Variants in SUPT6H observed in about 807,000 individuals in gnomAD.
SUPT6H encodes the protein SPT6 homolog, histone chaperone and transcription elongation factor.
SUPT6H carries 11 observed loss-of-function variants against 222.3 expected under a neutral mutation model. That is an observed-to-expected ratio of 0.05 (90% CI 0.03 to 0.08). The LOEUF is 0.08. Ranked by LOEUF, SUPT6H falls within the 10% of genes least tolerant of loss-of-function variation. The pLI is 1.00. For synonymous variants in SUPT6H, 762 were observed against 801.2 expected (o/e 0.95, Z 0.83); for missense variants, 1,422 against 2,216.0 (o/e 0.64, Z 7.19).
intron 1 of SUPT6H, among the ~76,000 whole-genome samples, chr17:28,667,471 G>A (rs1034023871): frequency 7.6e-6 from 1 of 131,202 alleles, no homozygotes; most frequent in Non-Finnish European, 1.6e-5. Flanking sequence ...ATGTATATGT[G>A]TATATATGTG....
Position 28,688,369 on chromosome 17 carries a change from C to T in SUPT6H, c.3134+151C>T, listed in dbSNP as rs2031495123. On this transcript the variant is annotated intron_variant, in intron 24 of 36. Coordinates refer to ENST00000314616, the MANE Select transcript of SUPT6H (RefSeq NM_003170.5). This position sits in a 1 kb window ranked among gnomAD's most constrained non-coding sequence, Gnocchi z 4.3. ...TAAGGAACTTTATTCAGTCAAGAGCCCCTGACCTATGGAAAAGATCGGTTC... is the reference window on the plus strand; with the variant it reads ...TAAGGAACTTTATTCAGTCAAGAGCTCCTGACCTATGGAAAAGATCGGTTC... The T allele has an allele frequency of 3.2e-6, 3 of 931,216 alleles. No individual in the cohort carries two copies. The South Asian group carries it at 8.2e-5, about 25-fold the overall frequency. 57.7% of individuals were successfully genotyped at this position (931,216 alleles called of 1,614,324 possible).
intron 27 of SUPT6H, chr17:28,691,266 C>T: frequency 1.5e-6 from 1 of 654,238 alleles, no homozygotes; most frequent in Non-Finnish European, 2.5e-6. Flanking sequence ...GTGGCTCACG[C>T]CTATAATCCT....
chr17:28,687,904 T>C (rs184711762), intron 23 of SUPT6H, among the ~76,000 whole-genome samples, 187 bp from the exon 24 acceptor site: 2 of 152,334 alleles, frequency 1.3e-5, no homozygotes, highest in Admixed American at 6.5e-5. Context: ...TTGTTTATTA[T>C]TTTCCCATTT....
In SUPT6H at chr17:28,678,800, TC is replaced by T. The variant is rs570934151; in HGVS notation, c.1207-19del. 1,214 of 1,614,076 alleles carry T rather than the reference TC, an allele frequency of 7.5e-4. 16 individuals are homozygous for T. In the South Asian group the frequency reaches 0.013, roughly 17 times the overall value. ...TCCAGGGCTGAACACAAGCTCTCAT[TC>T]CTGCCCTACTTCACCTTAGTGGACC... On this transcript the variant is annotated intron_variant, in intron 10 of 36. Coordinates refer to ENST00000314616, the MANE Select transcript of SUPT6H (RefSeq NM_003170.5).
In SUPT6H at chr17:28,688,500, C is replaced by A; in HGVS notation, c.3134+282C>A. ...ATTTTGTTCAGTAAACACAAACTTGCTTTTTTATTATTATGGTTTGTTGTG... is the reference window on the plus strand; with the variant it reads ...ATTTTGTTCAGTAAACACAAACTTGATTTTTTATTATTATGGTTTGTTGTG... On this transcript the variant is annotated intron_variant, in intron 24 of 36. Coordinates refer to ENST00000314616, the MANE Select transcript of SUPT6H (RefSeq NM_003170.5). The surrounding 1 kb of genome is among the most constrained non-coding windows in gnomAD (Gnocchi z 4.3). 1 of 233,644 alleles carries A rather than the reference C, an allele frequency of 4.3e-6. No individual in the cohort carries two copies. Among genetic ancestry groups the A allele is most frequent in the Non-Finnish European group, 8.2e-6 (1 of 122,620 alleles). 14.5% of individuals were successfully genotyped at this position (233,644 alleles called of 1,614,324 possible). A position where few individuals can be genotyped will look rare whatever the true frequency, so the allele number is the denominator to read the frequency against.
chr17:28,691,130 G>T, intron 27 of SUPT6H, 67 bp downstream of exon 27: 1 of 1,550,440 alleles, frequency 6.4e-7, no homozygotes, highest in Non-Finnish European at 8.8e-7. Context: ...GCCTAGAAGG[G>T]AATCAGAAAT....
At chr17:28,682,098 C>A in intron 13 of SUPT6H, 118 bp downstream of exon 13, 2 of 720,710 alleles carry the variant, frequency 2.8e-6, no homozygotes, top group Admixed American at 2.8e-5. Flanking sequence ...CAATCCAATC[C>A]TGAACTAGCC....
intron 11 of SUPT6H, 145 bp downstream of exon 11, chr17:28,679,108 A>C: frequency 5.8e-5 from 62 of 1,078,156 alleles, no homozygotes; most frequent in Non-Finnish European, 6.6e-5. Context: ...ACAGTGGCTC[A>C]TGCCTGTAAT....
rs2031571360 is a variant in SUPT6H at position 28,690,100 on chromosome 17, A to G, written c.3361A>G (p.Ile1121Val). The G allele has an allele frequency of 3.7e-6, 6 of 1,612,740 alleles. No individual in the cohort carries two copies. Among genetic ancestry groups the G allele is most frequent in the Non-Finnish European group, 5.1e-6 (6 of 1,179,810 alleles). Residue 1121 changes from isoleucine (I) to valine (V), a missense_variant, in exon 26 of 37, where the codon ATC becomes GTC. Ile to Val is a conservative substitution (Grantham distance 29, BLOSUM62 3). Around this residue, in one of 13 missense-constraint regions of SUPT6H, gnomAD observed 60 missense variants for 96.7 expected, o/e 0.62. Coordinates refer to ENST00000314616, the MANE Select transcript of SUPT6H (RefSeq NM_003170.5). Reference protein sequence around the residue: ...LERQGYGDKHITLYDIRAELS... With the variant: ...LERQGYGDKHVTLYDIRAELS... ...TCCCCAGGGCTATGGTGACAAACAC[A>G]TCACACTCTATGACATCCGGGCAGA...
At chr17:28,666,439 G>A (rs1290503894) in intron 1 of SUPT6H, among the ~76,000 whole-genome samples, 1 of 151,844 alleles carries the variant, frequency 6.6e-6, no homozygotes, top group African/African-American at 2.4e-5. Context: ...TTCAGTAACT[G>A]TTAATCTCTC....
Position 28,699,769 on chromosome 17 carries a change from C to T in SUPT6H, c.4449-12C>T, listed in dbSNP as rs764979601. 14 of 1,612,862 alleles carry T rather than the reference C, an allele frequency of 8.7e-6. No individual in the cohort carries two copies. The Admixed American group carries it at 2.3e-4, about 27-fold the overall frequency. ...AGTGGTTTCTGATGCATGTTTCCTT[C>T]TAAAATCCTAGGATAGAATATGTAA... On this transcript the variant is annotated splice_polypyrimidine_tract_variant and intron_variant, in intron 32 of 36. Coordinates refer to ENST00000314616, the MANE Select transcript of SUPT6H (RefSeq NM_003170.5).
At position 28,688,105 on chromosome 17, in the gene SUPT6H, C is replaced by T. The variant is rs1216502243; in HGVS notation, c.3021C>T (p.Asn1007=). The T allele has an allele frequency of 7.4e-6, 12 of 1,612,608 alleles. No individual in the cohort carries two copies. Among genetic ancestry groups the T allele is most frequent in the Non-Finnish European group, 9.3e-6 (11 of 1,179,212 alleles). ...GTHLLKILKQ[N]NTRLESRTQL... ...CTCTCCCCCAGATCCTGAAGCAGAA[C>T]AACACCCGGCTCGAGAGCCGGACCC... is the stretch of plus-strand genomic sequence containing the variant. Residue 1007 remains asparagine, a synonymous_variant, in exon 24 of 37, where the codon AAC becomes AAT. Coordinates refer to ENST00000314616, the MANE Select transcript of SUPT6H (RefSeq NM_003170.5). The surrounding 1 kb of genome is among the most constrained non-coding windows in gnomAD (Gnocchi z 4.3).
chr17:28,674,372 G>C lies in SUPT6H; in HGVS notation c.199G>C (p.Gly67Arg). The C allele has an allele frequency of 6.2e-7, 1 of 1,614,162 alleles. No homozygotes were observed. Among genetic ancestry groups the C allele is most frequent in the Non-Finnish European group, 8.5e-7 (1 of 1,179,998 alleles). ...CAATGACGATGATGATGAAGATGAAGGGGAGGAGGATGAGGGCAGTGACTC... is the reference window on the plus strand; with the variant it reads ...CAATGACGATGATGATGAAGATGAACGGGAGGAGGATGAGGGCAGTGACTC... ...FINDDDDEDE[G>R]EEDEGSDSGD... Residue 67 changes from glycine (G) to arginine (R), a missense_variant, in exon 3 of 37, where the codon GGG (glycine) becomes CGG (arginine). Gly to Arg is a moderately radical substitution (Grantham distance 125, BLOSUM62 -2). Transcript: ENST00000314616.
At position 28,678,125 on chromosome 17, in the gene SUPT6H, G is replaced by A. The variant is rs372795501; in HGVS notation, c.1049G>A (p.Arg350Gln). 6.8e-6 allele frequency: 11 copies of A among 1,612,142 alleles called. No individual in the cohort carries two copies. Among genetic ancestry groups the A allele is most frequent in the East Asian group, 4.5e-5 (2 of 44,884 alleles). ...GGGCAGCCAGCCAGCAGCTTCAGTC[G>A]GAAAGGGCCCAGCACAATTCAGAAG... ...DRGQPASSFS[R>Q]KGPSTIQKIK... Residue 350 changes from arginine to glutamine, a missense_variant, in exon 9 of 37, where the codon CGG (arginine) becomes CAG (glutamine). By Grantham distance (43) the Arg-to-Gln change is conservative (BLOSUM62 1). Around this residue, in one of 13 missense-constraint regions of SUPT6H, gnomAD observed 389 missense variants for 544.6 expected, o/e 0.71. Coordinates refer to ENST00000314616, the MANE Select transcript of SUPT6H (RefSeq NM_003170.5).
intron 11 of SUPT6H, among the ~76,000 whole-genome samples, chr17:28,680,970 G>A (rs140561921): frequency 9.2e-5 from 14 of 152,298 alleles, no homozygotes; most frequent in East Asian, 5.8e-4. Context: ...AAGAAAAAAA[G>A]AAATGGTCTT....
chr17:28,691,177 C>T (rs1429607568), intron 27 of SUPT6H, 114 bp downstream of exon 27: 1 of 1,366,892 alleles, frequency 7.3e-7, no homozygotes, highest in African/African-American at 1.4e-5. Context: ...CAAACAAGTA[C>T]ACAAAGAAGG....
chr17:28,664,015 C>G (rs560109695), intron 1 of SUPT6H, among the ~76,000 whole-genome samples: 1 of 151,622 alleles, frequency 6.6e-6, no homozygotes. Context: ...TTATCAAGGT[C>G]ACCAGTGACT....
chr17:28,686,402 G>A lies in SUPT6H; in HGVS notation c.2551G>A (p.Ala851Thr), dbSNP rs1431185674. The A allele has an allele frequency of 4.3e-6, 7 of 1,614,060 alleles. No homozygotes were observed. In the South Asian group the frequency reaches 6.6e-5, roughly 15 times the overall value. The change falls in exon 20 of 37, where the codon GCA becomes ACA. Residue 851 changes from alanine (A) to threonine (T), a missense_variant. By Grantham distance (58) the Ala-to-Thr change is moderately conservative. Coordinates refer to ENST00000314616, the MANE Select transcript of SUPT6H (RefSeq NM_003170.5). ...LNKKPHVVTV[A>T]GENRDAQMLI... ...TAAGAAGCCTCATGTAGTGACAGTT[G>A]CAGGAGAGAACAGGTAGGTAGGGAT...
chr17:28,677,616 T>C (rs1448361899), intron 7 of SUPT6H, 99 bp from the exon 8 acceptor site: 2 of 809,994 alleles, frequency 2.5e-6, no homozygotes, highest in African/African-American at 3.4e-5. Flanking sequence ...ACTGGAAATG[T>C]GCACTTGATG....
Sources: gnomAD v4.1 joint callset for allele counts (sites outside exome capture counted in the v4.1 genomes callset) on GRCh38, gnomAD v4.1.1 for gene constraint, gnomAD v4.1.1 regional missense constraint, Gnocchi (gnomAD v3.1) non-coding constraint, MANE v1.5 for transcripts, NCBI Gene and HGNC (gene_info 2026-07-23, HGNC 2026-07-21) for gene names.